The following GID8 variants were observed in gnomAD, a reference collection of about 807,000 sequenced individuals.
GID8 encodes the protein glucose-induced degradation protein 8 homolog.
Under a neutral mutation model 27.4 loss-of-function variants are expected in GID8, and 6 were observed. The ratio of observed to expected loss-of-function variants is 0.22; its 90% confidence interval spans 0.12 to 0.43. The LOEUF (loss-of-function observed/expected upper bound fraction) is 0.43, where lower values mean the gene tolerates loss of function less well. GID8 is among the 20% of genes least tolerant of loss of function. GID8 has a pLI of 1.00. For synonymous variants in GID8, 112 were observed against 109.0 expected, an observed-to-expected ratio of 1.03 and a Z score of -0.17; for missense variants, 173 against 287.6, an observed-to-expected ratio of 0.60 and a Z score of 2.88.
Position 62,941,387 on chromosome 20 carries a change from C to T in GID8, c.-12-104C>T, listed in dbSNP as rs1044769047. The T allele has an allele frequency of 4.4e-6, 3 of 684,620 alleles. No homozygotes were observed. In the African/African-American group the frequency reaches 5.3e-5, roughly 12 times the overall value. 42.4% of individuals were successfully genotyped at this position (684,620 alleles called of 1,614,324 possible). A position where few individuals can be genotyped will look rare whatever the true frequency, so the allele number is the denominator to read the frequency against. On this transcript the variant is annotated intron_variant, in intron 1 of 4. Coordinates refer to ENST00000266069, the MANE Select transcript of GID8 (RefSeq NM_017896.3). Reference sequence around the variant, plus strand: ...CCCACGGCAGCGTTGTCTTTCCGTACATGCTCAGTGTGGGATTCTCCGGCT... The same window carrying T: ...CCCACGGCAGCGTTGTCTTTCCGTATATGCTCAGTGTGGGATTCTCCGGCT...
intron 2 of GID8, 37 bp from the exon 3 acceptor site, chr20:62,942,950 T>G: frequency 6.5e-7 from 1 of 1,532,528 alleles, no homozygotes; most frequent in East Asian, 2.3e-5. Flanking sequence ...AATTCCTTGC[T>G]AACTTTCCTA....
chr20:62,945,729 C>T lies in GID8; in HGVS notation c.*817C>T. The T allele has an allele frequency of 8.3e-7, 1 of 1,205,994 alleles. No individual in the cohort carries two copies. Among genetic ancestry groups the T allele is most frequent in the Non-Finnish European group, 1.1e-6 (1 of 944,960 alleles). The allele number at this position is 1,205,994 out of a possible 1,614,324, so 74.7% of individuals were successfully genotyped here. A position where few individuals can be genotyped will look rare whatever the true frequency, so the allele number is the denominator to read the frequency against. On this transcript the variant is annotated 3_prime_UTR_variant, in exon 5 of 5. Coordinates refer to ENST00000266069, the MANE Select transcript of GID8 (RefSeq NM_017896.3). The stretch of plus-strand genomic sequence containing the variant: ...CCTGTGATAGCGGCAGTGGCTTTTT[C>T]TGGTACCTGCAGCTGGAAAGGCCAC...
At position 62,944,881 on chromosome 20, in the gene GID8, T is replaced by G; in HGVS notation, c.656T>G (p.Leu219Arg). Residue 219 changes from leucine (L) to arginine (R), a missense_variant, in exon 5 of 5, where the codon CTC becomes CGC. Transcript: ENST00000266069. ...GTAAAATATCCCAAAATGACAGACC[T>G]CAGCAAGGGTGTGATTGAGGAGCCC... The part of the protein sequence containing the change: ...KKVKYPKMTD[L>R]SKGVIEEPK The G allele has an allele frequency of 6.2e-7, 1 of 1,613,584 alleles. No individual in the cohort carries two copies. The highest frequency in any genetic ancestry group is 8.5e-7 in the Non-Finnish European group (1 of 1,179,676).
intron 2 of GID8, among the ~76,000 whole-genome samples, chr20:62,941,856 T>C (rs1157418290): frequency 1.3e-5 from 2 of 152,252 alleles, no homozygotes; most frequent in Non-Finnish European, 2.9e-5. Context: ...TTGACAGTTT[T>C]ACAGTTACTC....
chr20:62,943,371 A>T lies in GID8; in HGVS notation c.316-124A>T. On this transcript the variant is annotated intron_variant, in intron 3 of 4. Transcript: ENST00000266069. The surrounding 1 kb of genome is among the most constrained non-coding windows in gnomAD (Gnocchi z 4.7). ...TTTTTGTTTTAAAAATGCAAATTTG[A>T]TAACTCAGAGATGCAAGAAAAGTCT... 9.5e-7 allele frequency: 1 copy of T among 1,052,162 alleles called. No homozygotes were observed. Among genetic ancestry groups the T allele is most frequent in the Non-Finnish European group, 1.4e-6 (1 of 716,848 alleles). 65.2% of individuals were successfully genotyped at this position (1,052,162 alleles called of 1,614,324 possible).
Position 62,945,808 on chromosome 20 carries a change from G to C in GID8, c.*896G>C. The C allele has an allele frequency of 7.8e-7, 1 of 1,286,878 alleles. No individual in the cohort carries two copies. Among genetic ancestry groups the C allele is most frequent in the Non-Finnish European group, 1.0e-6 (1 of 986,762 alleles). The allele number at this position is 1,286,878 out of a possible 1,614,324, so 79.7% of individuals were successfully genotyped here. On this transcript the variant is annotated 3_prime_UTR_variant, in exon 5 of 5. Transcript: ENST00000266069. The stretch of plus-strand genomic sequence containing the variant: ...ATTAGAGCGAGGCAGCCCTTGGCCG[G>C]TGGGGACGCAGAGCCCCAGCAGGTG...
chr20:62,938,691 A>G (rs902649964), intron 1 of GID8: 11 of 152,182 alleles, frequency 7.2e-5, no homozygotes, highest in Non-Finnish European at 1.5e-5. Context: ...TTTATGCTGG[A>G]GTTTGAGACT....
chr20:62,941,629 T>G lies in GID8; in HGVS notation c.118+9T>G. The G allele has an allele frequency of 7.1e-7, 1 of 1,400,822 alleles. No individual in the cohort carries two copies. The highest frequency in any genetic ancestry group is 1.0e-6 in the Non-Finnish European group (1 of 985,210). The allele number at this position is 1,400,822 out of a possible 1,614,324, so 86.8% of individuals were successfully genotyped here. On this transcript the variant is annotated intron_variant, in intron 2 of 4. Coordinates refer to ENST00000266069, the MANE Select transcript of GID8 (RefSeq NM_017896.3). ...GAACTACCTGGTCACAGGTAATGGCTTACAGTGAGGATGCTGTTGCATGAA... is the reference window on the plus strand; with the variant it reads ...GAACTACCTGGTCACAGGTAATGGCGTACAGTGAGGATGCTGTTGCATGAA...
chr20:62,938,838 G>A (rs1319880251), intron 1 of GID8: 3 of 152,172 alleles, frequency 2.0e-5, no homozygotes, highest in Non-Finnish European at 4.4e-5. Flanking sequence ...CCTTTTCCTA[G>A]GGAGCTCTTA....
chr20:62,948,047 C>G lies in GID8; in HGVS notation c.*3135C>G, dbSNP rs539041671. 6.6e-6 allele frequency: 1 copy of G among 152,338 alleles called. No homozygotes were observed. Among genetic ancestry groups the G allele is most frequent in the Non-Finnish European group, 1.5e-5 (1 of 68,048 alleles). 9.4% of individuals were successfully genotyped at this position (152,338 alleles called of 1,614,324 possible). On this transcript the variant is annotated 3_prime_UTR_variant, in exon 5 of 5. Transcript: ENST00000266069. ...CAGACCAGGCGGAAAGCTTGGTGGC[C>G]AAGCAGTCTGTGTGCTTCCCCGCTG...
At position 62,946,002 on chromosome 20, in the gene GID8, G is replaced by C. The variant is rs1480830268; in HGVS notation, c.*1090G>C. ...GGTGGGCAGGAGGGAAGTGGTGCAG[G>C]GCTGCGTGCATTGCCTGCGAGTCGG... is the stretch of plus-strand genomic sequence containing the variant. On this transcript the variant is annotated 3_prime_UTR_variant, in exon 5 of 5. Coordinates refer to ENST00000266069, the MANE Select transcript of GID8 (RefSeq NM_017896.3). The C allele has an allele frequency of 7.8e-7, 1 of 1,289,434 alleles. No homozygotes were observed. Among genetic ancestry groups the C allele is most frequent in the Middle Eastern group, 2.1e-4 (1 of 4,696 alleles). The allele number at this position is 1,289,434 out of a possible 1,614,324, so 79.9% of individuals were successfully genotyped here.
At chr20:62,939,536 C>T (rs1165354000) in intron 1 of GID8, among the ~76,000 whole-genome samples, 1 of 151,924 alleles carries the variant, frequency 6.6e-6, no homozygotes, top group Non-Finnish European at 1.5e-5. Context: ...GTCAAACTTG[C>T]CCTGCTTCTC....
In GID8 at chr20:62,946,224, C is replaced by G. The variant is rs2147635260; in HGVS notation, c.*1312C>G. The G allele has an allele frequency of 3.0e-6, 1 of 337,752 alleles. No homozygotes were observed. The highest frequency in any genetic ancestry group is 8.6e-5 in the East Asian group (1 of 11,622). The allele number at this position is 337,752 out of a possible 1,614,324, so 20.9% of individuals were successfully genotyped here. On this transcript the variant is annotated 3_prime_UTR_variant, in exon 5 of 5. Coordinates refer to ENST00000266069, the MANE Select transcript of GID8 (RefSeq NM_017896.3). ...GCCGGCGCATCTGAGGGGCAGAATG[C>G]TGCTAGCACTTGAATCTGGGATCTC...
chr20:62,941,561 A>G lies in GID8; in HGVS notation c.59A>G (p.Asn20Ser). Residue 20 changes from asparagine to serine, a missense_variant, in exon 2 of 5, where the codon AAT (asparagine) becomes AGT (serine). Physicochemically the swap from Asn to Ser is conservative, Grantham distance 46. Coordinates refer to ENST00000266069, the MANE Select transcript of GID8 (RefSeq NM_017896.3). ...AAAGATGAGTGGATGGAAAAGCTCA[A>G]TAACTTGCATGTCCAGAGAGCAGAC... ...ITKDEWMEKL[N>S]NLHVQRADMN... is the part of the protein sequence containing the mutation. 2.5e-6 allele frequency: 4 copies of G among 1,613,492 alleles called. No individual in the cohort carries two copies. The highest frequency in any genetic ancestry group is 3.4e-6 in the Non-Finnish European group (4 of 1,179,340).
chr20:62,943,579 G>A lies in GID8; in HGVS notation c.400G>A (p.Glu134Lys). Residue 134 changes from glutamate to lysine, a missense_variant, in exon 4 of 5, where the codon GAG becomes AAG. Physicochemically the swap from Glu to Lys is moderately conservative, Grantham distance 56 (BLOSUM62 1). Transcript: ENST00000266069. The surrounding 1 kb of genome is among the most constrained non-coding windows in gnomAD (Gnocchi z 4.7). Reference sequence around the variant, plus strand: ...ACAGACTCAGCTGGCGGAGCAGGGCGAGGAGAGCCGAGAGTGCCTCACAGA... The same window carrying A: ...ACAGACTCAGCTGGCGGAGCAGGGCAAGGAGAGCCGAGAGTGCCTCACAGA... ...FAQTQLAEQG[E>K]ESRECLTEME... is the part of the protein sequence containing the mutation. The A allele has an allele frequency of 6.2e-7, 1 of 1,613,602 alleles. No homozygotes were observed. The highest frequency in any genetic ancestry group is 8.5e-7 in the Non-Finnish European group (1 of 1,179,964).
In GID8 at chr20:62,943,117, C is replaced by G. The variant is rs369118795; in HGVS notation, c.249C>G (p.Ile83Met). The change falls in exon 3 of 5, where the codon ATC becomes ATG. Residue 83 changes from isoleucine to methionine, a missense_variant. Physicochemically the swap from Ile to Met is conservative, Grantham distance 10 (BLOSUM62 1). Transcript: ENST00000266069. This position sits in a 1 kb window ranked among gnomAD's most constrained non-coding sequence, Gnocchi z 4.7. ...MILKGQIQEAIALINSLHPEL... is the reference protein window; with the variant it reads ...MILKGQIQEAMALINSLHPEL... Reference sequence around the variant, plus strand: ...TGAAAGGTCAGATTCAGGAGGCCATCGCCTTGATCAACAGCCTCCACCCAG... The same window carrying G: ...TGAAAGGTCAGATTCAGGAGGCCATGGCCTTGATCAACAGCCTCCACCCAG... 2.0e-5 allele frequency: 33 copies of G among 1,613,844 alleles called. No individual in the cohort carries two copies. Among genetic ancestry groups the G allele is most frequent in the Non-Finnish European group, 2.8e-5 (33 of 1,179,840 alleles).
In GID8 at chr20:62,943,355, TA is replaced by T; in HGVS notation, c.316-135del. The T allele has an allele frequency of 9.8e-7, 1 of 1,018,224 alleles. No homozygotes were observed. The highest frequency in any genetic ancestry group is 1.4e-6 in the Non-Finnish European group (1 of 691,902). 63.1% of individuals were successfully genotyped at this position (1,018,224 alleles called of 1,614,324 possible). On this transcript the variant is annotated intron_variant, in intron 3 of 4. Coordinates refer to ENST00000266069, the MANE Select transcript of GID8 (RefSeq NM_017896.3). The surrounding 1 kb of genome is among the most constrained non-coding windows in gnomAD (Gnocchi z 4.7). ...GTAGTTCAGAAGCGGTTTTTTGTTTTAAAAATGCAAATTTGATAACTCAGAG... is the reference window on the plus strand; with the variant it reads ...GTAGTTCAGAAGCGGTTTTTTGTTTTAAAATGCAAATTTGATAACTCAGAG...
rs774677212 is a variant in GID8, at chr20:62,943,487, G to T, written c.316-8G>T. On this transcript the variant is annotated splice_polypyrimidine_tract_variant and splice_region_variant and intron_variant, in intron 3 of 4. Transcript: ENST00000266069. The surrounding 1 kb of genome is among the most constrained non-coding windows in gnomAD (Gnocchi z 4.7). ...GTGGGGGTCAAGCTTGTCTGTCTCT[G>T]CCTCCAGCAACAGCATTTGATCGAG... 5 of 1,611,264 alleles carry T rather than the reference G, an allele frequency of 3.1e-6. No homozygotes were observed. The highest frequency in any genetic ancestry group is 4.2e-6 in the Non-Finnish European group (5 of 1,179,534).
rs1214963471 is a variant in GID8 at position 62,947,068 on chromosome 20, A to G, written c.*2156A>G. ...GCTGTCACGTGAAGTGCTGGTGTTG[A>G]TTTCCATTTCAGCCAGTGGGTAGCT... On this transcript the variant is annotated 3_prime_UTR_variant, in exon 5 of 5. Coordinates refer to ENST00000266069, the MANE Select transcript of GID8 (RefSeq NM_017896.3). 1 of 152,176 alleles carries G rather than the reference A, an allele frequency of 6.6e-6. No individual in the cohort carries two copies. The highest frequency in any genetic ancestry group is 1.5e-5 in the Non-Finnish European group (1 of 68,026). The allele number at this position is 152,176 out of a possible 1,614,324, so 9.4% of individuals were successfully genotyped here. A position where few individuals can be genotyped will look rare whatever the true frequency, so the allele number is the denominator to read the frequency against.
Sources: allele counts gnomAD v4.1 joint callset (sites outside exome capture counted in the v4.1 genomes callset), GRCh38; gene constraint gnomAD v4.1.1; non-coding constraint Gnocchi (gnomAD v3.1); transcripts MANE v1.5; gene names NCBI Gene and HGNC (gene_info 2026-07-23, HGNC 2026-07-21).